ATP2B2: variants seen among roughly 807,000 people sequenced by gnomAD.
The protein encoded by ATP2B2 is ATPase plasma membrane Ca2+ transporting 2, also known as plasma membrane calcium-transporting ATPase 2.
In ATP2B2, 15 loss-of-function variants were observed where a neutral mutation model predicts 120.0. The observed-to-expected ratio is 0.12, with a 90% CI of 0.08 to 0.19. The LOEUF (loss-of-function observed/expected upper bound fraction) is 0.19. Among genes scored for constraint, ATP2B2 ranks in the 10% least tolerant of loss-of-function variants. The probability of loss-of-function intolerance (pLI) is 1.00; values close to 1 mark genes in which losing one functional copy is unlikely to be tolerated. For synonymous variants in ATP2B2, 694 were observed against 700.3 expected, an observed-to-expected ratio of 0.99 and a Z score of 0.14; for missense variants, 1,045 against 1,719.8, an observed-to-expected ratio of 0.61 and a Z score of 6.94.
chr3:10,543,618 G>C (rs1420268585), intron 2 of ATP2B2, among the ~76,000 whole-genome samples: 2 of 152,094 alleles, frequency 1.3e-5, no homozygotes, highest in Non-Finnish European at 2.9e-5. Context: ...TACCACAATA[G>C]ATTTGTTATT....
chr3:10,496,112 C>T (rs1483067793), intron 1 of ATP2B2, among the ~76,000 whole-genome samples: 2 of 152,214 alleles, frequency 1.3e-5, no homozygotes, highest in African/African-American at 4.8e-5. Context: ...AGAAGGGCTT[C>T]ATTTTAATCT....
intron 1 of ATP2B2, among the ~76,000 whole-genome samples, chr3:10,705,507 C>A (rs968411167): frequency 6.6e-6 from 1 of 152,252 alleles, no homozygotes; most frequent in Non-Finnish European, 1.5e-5. Flanking sequence ...GCTCCCACTG[C>A]ACATCTATTA....
intron 21 of ATP2B2, among the ~76,000 whole-genome samples, chr3:10,339,651 G>A (rs1190805373): frequency 2.6e-5 from 4 of 152,210 alleles, no homozygotes. Context: ...GCTGGGGCAG[G>A]CACAGCACTG....
At position 10,375,268 on chromosome 3, in the gene ATP2B2, G is replaced by A. The variant is rs536264232; in HGVS notation, c.1416+162C>T. 5.9e-5 allele frequency among the ~76,000 whole-genome samples: 9 copies of A among 152,246 alleles called. No homozygotes were observed. In the South Asian group the frequency reaches 6.2e-4, roughly 11 times the overall value. ...ACAGGCCCCTGGACTCTATGAAAGC[G>A]TCAGAGTTTTGGGGTCCTGCATACA... is the stretch of plus-strand genomic sequence containing the variant. On this transcript the variant is annotated intron_variant, in intron 11 of 22. Coordinates refer to ENST00000360273, the MANE Select transcript of ATP2B2 (RefSeq NM_001001331.4). The surrounding 1 kb of genome is among the most constrained non-coding windows in gnomAD (Gnocchi z 4.2).
chr3:10,534,834 G>A (rs1413156480), intron 2 of ATP2B2, among the ~76,000 whole-genome samples: 1 of 151,228 alleles, frequency 6.6e-6, no homozygotes, highest in Non-Finnish European at 1.5e-5. Flanking sequence ...GGCACTGGAT[G>A]CTATAGGGCT....
intron 2 of ATP2B2, among the ~76,000 whole-genome samples, chr3:10,440,202 G>C (rs2063617455): frequency 6.9e-6 from 1 of 145,528 alleles, no homozygotes; most frequent in South Asian, 2.3e-4. Context: ...GCATCCCCTT[G>C]TCCTGTAGGG....
chr3:10,378,693 G>A (rs1335453806), intron 9 of ATP2B2, among the ~76,000 whole-genome samples: 1 of 152,202 alleles, frequency 6.6e-6, no homozygotes, highest in African/African-American at 2.4e-5. Context: ...GCCTGAACAA[G>A]CCTGTGAGTC....
At chr3:10,599,477 A>C (rs2068847902) in intron 2 of ATP2B2, among the ~76,000 whole-genome samples, 1 of 151,898 alleles carries the variant, frequency 6.6e-6, no homozygotes, top group Admixed American at 6.6e-5. Context: ...ACTCTAATTT[A>C]ATGTCTTTCA....
chr3:10,414,264 C>A (rs986021378), intron 2 of ATP2B2, among the ~76,000 whole-genome samples: 1 of 152,102 alleles, frequency 6.6e-6, no homozygotes, highest in Non-Finnish European at 1.5e-5. Context: ...CCGGAGTCCA[C>A]AGTGTAAATA....
chr3:10,418,409 T>C (rs1449185450), intron 2 of ATP2B2, among the ~76,000 whole-genome samples: 2 of 152,196 alleles, frequency 1.3e-5, no homozygotes, highest in East Asian at 3.9e-4. Context: ...ATTTAACATA[T>C]GGCTTACTTT....
chr3:10,514,413 C>T (rs1057225383), intron 3 of ATP2B2, among the ~76,000 whole-genome samples: 8 of 152,184 alleles, frequency 5.3e-5, no homozygotes, highest in African/African-American at 1.9e-4. Flanking sequence ...GGTGTCATAT[C>T]TCCCACATAC....
At chr3:10,632,303 AGTCTCCACCACTCCCAGCTGCTC>A (rs2069887972) in intron 1 of ATP2B2, among the ~76,000 whole-genome samples, 1 of 152,200 alleles carries the variant, frequency 6.6e-6, no homozygotes, top group South Asian at 2.1e-4. Context: ...GAGAGGCCGC[AGTCTCCACCACTCCCAGCTGCTC>A]GTCTCCCCGT....
intron 6 of ATP2B2, among the ~76,000 whole-genome samples, chr3:10,387,609 C>A (rs73131262): frequency 6.6e-5 from 10 of 152,208 alleles, no homozygotes; most frequent in Non-Finnish European, 1.5e-4. Flanking sequence ...CCTGAAGAGA[C>A]TTGAGCTTTT....
intron 1 of ATP2B2, among the ~76,000 whole-genome samples, chr3:10,471,953 C>T (rs544265960): frequency 4.0e-5 from 6 of 151,510 alleles, no homozygotes; most frequent in Non-Finnish European, 7.4e-5. Flanking sequence ...TGGTGGCGGG[C>T]GCCTGTAGTC....
intron 1 of ATP2B2, among the ~76,000 whole-genome samples, chr3:10,652,854 T>TA (rs1411124366): frequency 6.6e-6 from 1 of 152,132 alleles, no homozygotes; most frequent in Non-Finnish European, 1.5e-5. Flanking sequence ...AGAGGACAAA[T>TA]ACTGTGTGGT....
At chr3:10,688,782 T>C (rs1187463231) in intron 1 of ATP2B2, among the ~76,000 whole-genome samples, 1 of 152,208 alleles carries the variant, frequency 6.6e-6, no homozygotes, top group Non-Finnish European at 1.5e-5. Context: ...CCCTGGACAC[T>C]GGACCAGTGG....
rs181870442 is a variant in ATP2B2 at position 10,534,230 on chromosome 3, C to T, written c.-414-97G>A. On this transcript the variant is annotated intron_variant, in intron 2 of 21. Transcript: ENST00000646379. ...GGAAGGTAACCGTGGTGTGGAGTGT[C>T]CCCGATGTGCTGGCTCTAGGCTAGG... The T allele has an allele frequency of 2.0e-5, 3 of 152,572 alleles. No individual in the cohort carries two copies. The East Asian group carries it at 5.8e-4, about 29-fold the overall frequency. The allele number at this position is 152,572 out of a possible 1,614,324, so 9.5% of individuals were successfully genotyped here.
At chr3:10,336,910 A>G (rs2060131716) in intron 22 of ATP2B2, among the ~76,000 whole-genome samples, 1 of 152,228 alleles carries the variant, frequency 6.6e-6, no homozygotes, top group Non-Finnish European at 1.5e-5. Context: ...CGTAATCTGG[A>G]GACCCCTGCG....
Position 10,360,170 on chromosome 3 carries a change from G to C in ATP2B2, c.1660-47C>G, listed in dbSNP as rs376083486. ...GCTGGCACCTGGTGGGGCCTGTGTC[G>C]GGAGCCTCTGCCCTGGCTGCCACTG... is the stretch of plus-strand genomic sequence containing the variant. On this transcript the variant is annotated intron_variant, in intron 12 of 22. Transcript: ENST00000360273. 1.1e-5 allele frequency: 17 copies of C among 1,541,886 alleles called. No homozygotes were observed. In the South Asian group the frequency reaches 1.7e-4, roughly 16 times the overall value.
Sources: allele counts gnomAD v4.1 joint callset (sites outside exome capture counted in the v4.1 genomes callset), GRCh38; gene constraint gnomAD v4.1.1; non-coding constraint Gnocchi (gnomAD v3.1); transcripts MANE v1.5; gene names NCBI Gene and HGNC (gene_info 2026-07-23, HGNC 2026-07-21).